The following SCLT1 variants were observed in gnomAD, a reference collection of about 807,000 sequenced individuals.
SCLT1 encodes sodium channel-associated protein 1.
A neutral mutation model predicts 112.8 loss-of-function variants in SCLT1; 78 were observed. That is an observed-to-expected ratio of 0.69 (90% CI 0.58 to 0.83). The LOEUF (loss-of-function observed/expected upper bound fraction) is 0.83. SCLT1 is among the 40% of genes least tolerant of loss of function. The pLI is 0.00. For synonymous variants in SCLT1, 257 were observed against 254.7 expected (o/e 1.01, Z -0.09); for missense variants, 747 against 770.4 (o/e 0.97, Z 0.36).
At chr4:128,996,949 T>C (rs1177142624) in intron 8 of SCLT1, among the ~76,000 whole-genome samples, 2 of 151,994 alleles carry the variant, frequency 1.3e-5, no homozygotes, top group African/African-American at 2.4e-5. Flanking sequence ...TGAATAATTA[T>C]GATGCTAGGT....
rs374599412 is a variant in SCLT1 at position 129,003,805 on chromosome 4, G to C, written c.362C>G (p.Thr121Ser). The change falls in exon 6 of 21, where the codon ACT (threonine) becomes AGT (serine). Residue 121 changes from threonine (T) to serine (S), a missense_variant. Around this residue, in one of 2 missense-constraint regions of SCLT1, gnomAD observed 723 missense variants for 721.3 expected, o/e 1.00. Transcript: ENST00000281142. ...EAFPLGTEVG[T>S]DIYADDETVR... Reference sequence around the variant, plus strand: ...TGTTTCATCATCTGCATATATGTCAGTTCCTACCTCTGTGCCCAGGGGAAA... The same window carrying C: ...TGTTTCATCATCTGCATATATGTCACTTCCTACCTCTGTGCCCAGGGGAAA... 1.1e-5 allele frequency: 17 copies of C among 1,611,840 alleles called. No individual in the cohort carries two copies. In the African/African-American group the frequency reaches 2.3e-4, roughly 22 times the overall value.
At position 129,093,125 on chromosome 4, in the gene SCLT1, A is replaced by C. The variant is rs1489915279; in HGVS notation, c.-22T>G. 1.2e-6 allele frequency: 2 copies of C among 1,611,320 alleles called. No homozygotes were observed. The highest frequency in any genetic ancestry group is 2.2e-5 in the South Asian group (2 of 91,040). ...CCATTTCGATACAATTTTAGTTTAG[A>C]GCTTTCACCACCTTTACCTTCCTCT... is the stretch of plus-strand genomic sequence containing the variant. On this transcript the variant is annotated 5_prime_UTR_variant, in exon 1 of 21. Transcript: ENST00000281142.
intron 18 of SCLT1, among the ~76,000 whole-genome samples, chr4:128,905,844 C>T (rs755084823): frequency 6.6e-5 from 10 of 151,740 alleles, no homozygotes; most frequent in Non-Finnish European, 1.3e-4. Context: ...GCTCTTCTAA[C>T]TCCTACCTCC....
At chr4:129,027,768 C>T (rs1746262201) in intron 5 of SCLT1, among the ~76,000 whole-genome samples, 1 of 152,202 alleles carries the variant, frequency 6.6e-6, no homozygotes, top group South Asian at 2.1e-4. Flanking sequence ...GATTGTATAT[C>T]TAGAAAACCC....
At position 128,970,314 on chromosome 4, in the gene SCLT1, A is replaced by C; in HGVS notation, c.777+64T>G. On this transcript the variant is annotated intron_variant, in intron 10 of 20. Coordinates refer to ENST00000281142, the MANE Select transcript of SCLT1 (RefSeq NM_144643.4). ...CCCTCTTTAACACCTAATCCAAAAT[A>C]AATCAACAAAATAGAAAGAAAACTA... 5.5e-6 allele frequency: 5 copies of C among 907,812 alleles called. No individual in the cohort carries two copies. The South Asian group carries it at 6.9e-5, about 13-fold the overall frequency. The allele number at this position is 907,812 out of a possible 1,614,324, so 56.2% of individuals were successfully genotyped here. A position where few individuals can be genotyped will look rare whatever the true frequency, so the allele number is the denominator to read the frequency against.
intron 9 of SCLT1, among the ~76,000 whole-genome samples, chr4:128,986,022 A>G (rs1579601139): frequency 6.6e-6 from 1 of 152,254 alleles, no homozygotes; most frequent in East Asian, 1.9e-4. Context: ...GAACCAAAAA[A>G]TCATGTGAGT....
rs1739504109 is a variant in SCLT1 at position 128,959,548 on chromosome 4, G to T, written c.1047+52C>A. Reference sequence around the variant, plus strand: ...GAATCCCTTACTGTGAGGTCACATGGGAGAATAGTCAACATTTTATTATAT... The same window carrying T: ...GAATCCCTTACTGTGAGGTCACATGTGAGAATAGTCAACATTTTATTATAT... On this transcript the variant is annotated intron_variant, in intron 12 of 20. Coordinates refer to ENST00000281142, the MANE Select transcript of SCLT1 (RefSeq NM_144643.4). The T allele has an allele frequency of 8.0e-6, 11 of 1,369,658 alleles. No homozygotes were observed. In the South Asian group the frequency reaches 1.2e-4, roughly 15 times the overall value. 84.8% of individuals were successfully genotyped at this position (1,369,658 alleles called of 1,614,324 possible).
In SCLT1 at chr4:128,884,276, T is replaced by C. The variant is rs935712431; in HGVS notation, c.*201A>G. 6 of 415,246 alleles carry C rather than the reference T, an allele frequency of 1.4e-5. No individual in the cohort carries two copies. Among genetic ancestry groups the C allele is most frequent in the Non-Finnish European group, 2.5e-5 (6 of 235,832 alleles). The allele number at this position is 415,246 out of a possible 1,614,324, so 25.7% of individuals were successfully genotyped here. A position where few individuals can be genotyped will look rare whatever the true frequency, so the allele number is the denominator to read the frequency against. On this transcript the variant is annotated 3_prime_UTR_variant, in exon 21 of 21. Coordinates refer to ENST00000281142, the MANE Select transcript of SCLT1 (RefSeq NM_144643.4). ...CAGCTGGTTTATTCTCCACTGAAGC[T>C]CAATATAGGATTATATTTTCTTTAC...
intron 5 of SCLT1, among the ~76,000 whole-genome samples, chr4:129,027,683 T>C (rs993825839): frequency 2.6e-4 from 39 of 152,076 alleles, no homozygotes; most frequent in Admixed American, 1.2e-3. Flanking sequence ...CCAGGGCAAT[T>C]AGGCAGGAGA....
intron 2 of SCLT1, among the ~76,000 whole-genome samples, chr4:129,051,486 C>G (rs189366268): frequency 6.6e-6 from 1 of 152,116 alleles, no homozygotes; most frequent in African/African-American, 2.4e-5. Flanking sequence ...CTCTTTATAA[C>G]AATTGTGAAT....
Position 129,002,560 on chromosome 4 carries a change from C to A in SCLT1, c.426+1181G>T, listed in dbSNP as rs72924130. Among the ~76,000 whole-genome samples the A allele has an allele frequency of 4.8e-3, 729 of 151,758 alleles. 4 individuals carry two copies. Among genetic ancestry groups the A allele is most frequent in the African/African-American group, 0.016 (663 of 41,428 alleles). On this transcript the variant is annotated intron_variant, in intron 6 of 20. Transcript: ENST00000281142. ...AAATTTTCATTGACATTAAAATATT[C>A]TCTCTACAAAGAACTTAAACAAATT...
chr4:129,087,892 C>T (rs1752533675), intron 1 of SCLT1, among the ~76,000 whole-genome samples: 1 of 151,416 alleles, frequency 6.6e-6, no homozygotes, highest in African/African-American at 2.4e-5. Flanking sequence ...TCAAGACCAG[C>T]CTGGGAAACA....
intron 2 of SCLT1, among the ~76,000 whole-genome samples, chr4:129,058,445 T>C (rs914853186): frequency 2.6e-5 from 4 of 152,218 alleles, no homozygotes; most frequent in Admixed American, 1.3e-4. Context: ...ATTTTCAAAT[T>C]TCCTTCTTAA....
rs145425831 is a variant in SCLT1 at position 128,890,181 on chromosome 4, A to G, written c.1908+878T>C. ...GACTTCATATAATGCAACTTCTTCT[A>G]TACTGCTACCATAATGGTTGAGGAA... On this transcript the variant is annotated intron_variant, in intron 19 of 20. Coordinates refer to ENST00000281142, the MANE Select transcript of SCLT1 (RefSeq NM_144643.4). 1.5e-3 allele frequency among the ~76,000 whole-genome samples: 232 copies of G among 152,306 alleles called. 2 individuals are homozygous for G. Among genetic ancestry groups the G allele is most frequent in the East Asian group, 0.014 (70 of 5,180 alleles).
intron 18 of SCLT1, among the ~76,000 whole-genome samples, chr4:128,906,291 G>A (rs1018819718): frequency 4.5e-4 from 69 of 152,100 alleles, no homozygotes; most frequent in African/African-American, 1.4e-3. Flanking sequence ...TCTGCCTCCC[G>A]GGTTCACGTC....
At position 128,948,151 on chromosome 4, in the gene SCLT1, T is replaced by TG. The variant is rs1281619717; in HGVS notation, c.1293+344dup. Among the ~76,000 whole-genome samples the TG allele has an allele frequency of 2.0e-5, 3 of 151,496 alleles. No homozygotes were observed. The East Asian group carries it at 5.8e-4, about 29-fold the overall frequency. On this transcript the variant is annotated intron_variant, in intron 15 of 20. Coordinates refer to ENST00000281142, the MANE Select transcript of SCLT1 (RefSeq NM_144643.4). ...GAGATAGAGACCATCCTGGCTAACA[T>TG]GGTGAAACCCCATCTCTACTAAAAA...
intron 13 of SCLT1, among the ~76,000 whole-genome samples, chr4:128,956,600 G>A (rs1739232966): frequency 6.6e-6 from 1 of 152,042 alleles, no homozygotes; most frequent in Non-Finnish European, 1.5e-5. Context: ...AAGAAATGTT[G>A]TACAGTGGCT....
rs575597715 is a variant in SCLT1, at chr4:128,893,674, C to G, written c.1830-2537G>C. Among the ~76,000 whole-genome samples the G allele has an allele frequency of 2.6e-3, 397 of 152,140 alleles. 1 individual carries two copies. Among genetic ancestry groups the G allele is most frequent in the African/African-American group, 9.2e-3 (380 of 41,522 alleles). ...TCTCCTGCCTCAGCCTCCCAAGTAG[C>G]TGGGACTACAGGCGCCCGCCACCAC... On this transcript the variant is annotated intron_variant, in intron 18 of 20. Transcript: ENST00000281142.
chr4:129,058,408 T>C (rs1749645900), intron 2 of SCLT1, among the ~76,000 whole-genome samples: 1 of 152,188 alleles, frequency 6.6e-6, no homozygotes, highest in Admixed American at 6.5e-5. Flanking sequence ...TGGTATACTG[T>C]GTTTCCATTT....
Sources: gnomAD v4.1 joint callset for allele counts (sites outside exome capture counted in the v4.1 genomes callset) on GRCh38, gnomAD v4.1.1 for gene constraint, gnomAD v4.1.1 regional missense constraint, MANE v1.5 for transcripts, NCBI Gene and HGNC (gene_info 2026-07-23, HGNC 2026-07-21) for gene names.